CCSER1: variants seen among roughly 807,000 people sequenced by gnomAD.
CCSER1 encodes the protein serine-rich coiled-coil domain-containing protein 1.
CCSER1 carries 41 observed loss-of-function variants against 82.0 expected under a neutral mutation model. The ratio of observed to expected loss-of-function variants is 0.50; its 90% CI spans 0.39 to 0.65. CCSER1 has a LOEUF of 0.65. Among genes scored for constraint, CCSER1 ranks in the 30% least tolerant of loss-of-function variants. The pLI, the probability that CCSER1 is intolerant of heterozygous loss-of-function variation, is 0.00. For missense variants in CCSER1, 1,119 were observed against 1,064.2 expected, an observed-to-expected ratio of 1.05 and a Z score of -0.72; for synonymous variants, 414 against 383.9, an observed-to-expected ratio of 1.08 and a Z score of -0.92.
At chr4:90,973,184 G>C (rs1034795628) in intron 9 of CCSER1, among the ~76,000 whole-genome samples, 1 of 151,626 alleles carries the variant, frequency 6.6e-6, no homozygotes, top group African/African-American at 2.4e-5. Context: ...ACAGCAAAAA[G>C]TTTGTGTACT....
At chr4:90,167,461 TTTTA>T (rs1730692524) in intron 1 of CCSER1, among the ~76,000 whole-genome samples, 1 of 152,016 alleles carries the variant, frequency 6.6e-6, no homozygotes, top group African/African-American at 2.4e-5. Flanking sequence ...TTTGGGACAA[TTTTA>T]TTTGTTTTAT....
chr4:90,784,058 C>T (rs1216611277), intron 7 of CCSER1, among the ~76,000 whole-genome samples: 1 of 152,106 alleles, frequency 6.6e-6, no homozygotes, highest in Non-Finnish European at 1.5e-5. Flanking sequence ...TATTTGTTGT[C>T]ATTACATTTA....
intron 10 of CCSER1, among the ~76,000 whole-genome samples, chr4:91,202,812 C>CTCATATATATGTGTGCATATATA (rs1553911607): frequency 6.6e-6 from 1 of 150,970 alleles, no homozygotes; most frequent in African/African-American, 2.4e-5. Flanking sequence ...GATATACACA[C>CTCATATATATGTGTGCATATATA]TGTCTTTTTA....
chr4:90,206,781 A>ATTGACGGTGGGGTG (rs200749504), intron 1 of CCSER1, among the ~76,000 whole-genome samples: 1 of 123,032 alleles, frequency 8.1e-6, no homozygotes. Flanking sequence ...TCTGTCTAAT[A>ATTGACGGTGGGGTG]TTAAAGTCTC....
intron 10 of CCSER1, among the ~76,000 whole-genome samples, chr4:91,484,842 C>T (rs1448347195): frequency 6.6e-6 from 1 of 152,060 alleles, no homozygotes; most frequent in Admixed American, 6.6e-5. Flanking sequence ...ACAGACTTTC[C>T]CAGTAACTCT....
chr4:90,512,912 C>T (rs921562900), intron 5 of CCSER1, among the ~76,000 whole-genome samples: 23 of 152,126 alleles, frequency 1.5e-4, no homozygotes, highest in South Asian at 4.2e-4. Context: ...GAAATTAAAT[C>T]ATTTATAATT....
rs571145877 is a variant in CCSER1 at position 90,565,059 on chromosome 4, T to C, written c.1725-62966T>C. Among the ~76,000 whole-genome samples, 30 of 151,930 alleles carry C rather than the reference T, an allele frequency of 2.0e-4. No homozygotes were observed. The South Asian group carries it at 4.6e-3, about 23-fold the overall frequency. On this transcript the variant is annotated intron_variant, in intron 5 of 10. Coordinates refer to ENST00000509176, the MANE Select transcript of CCSER1 (RefSeq NM_001145065.2). ...GATTTTTTTTTTTTTTCTGTGAAGATTGTCATTGGTATATTGATAGGTATT... is the reference window on the plus strand; with the variant it reads ...GATTTTTTTTTTTTTTCTGTGAAGACTGTCATTGGTATATTGATAGGTATT...
intron 10 of CCSER1, among the ~76,000 whole-genome samples, chr4:91,267,537 C>T (rs1478545093): frequency 6.6e-6 from 1 of 152,144 alleles, no homozygotes; most frequent in Non-Finnish European, 1.5e-5. Context: ...AATGAATGCA[C>T]AGCCAGAGAA....
At chr4:90,525,568 G>A (rs916155643) in intron 5 of CCSER1, among the ~76,000 whole-genome samples, 2 of 151,754 alleles carry the variant, frequency 1.3e-5, no homozygotes, top group Non-Finnish European at 2.9e-5. Context: ...GATTATTATT[G>A]TACTTTCTTC....
intron 10 of CCSER1, among the ~76,000 whole-genome samples, chr4:91,177,047 G>A (rs7691562): frequency 0.39 from 59,611 of 151,908 alleles, 12,209 homozygotes; most frequent in East Asian, 0.47. Flanking sequence ...GAATTTTGTC[G>A]AAGGCCTTTT....
chr4:90,770,016 G>A (rs1366565336), intron 7 of CCSER1, among the ~76,000 whole-genome samples: 2 of 152,166 alleles, frequency 1.3e-5, no homozygotes, highest in East Asian at 3.8e-4. Context: ...CTGAGACTAG[G>A]TTTTGAAGAG....
intron 10 of CCSER1, among the ~76,000 whole-genome samples, chr4:91,437,813 ACACCAGGAGATTATATCTCG>A (rs1754772331): frequency 6.6e-6 from 1 of 152,208 alleles, no homozygotes; most frequent in Non-Finnish European, 1.5e-5. Flanking sequence ...AAAAAATGGC[ACACCAGGAGATTATATCTCG>A]CACCTGGTTT....
At chr4:91,564,755 A>G (rs1334146220) in intron 10 of CCSER1, among the ~76,000 whole-genome samples, 1 of 151,772 alleles carries the variant, frequency 6.6e-6, no homozygotes, top group Non-Finnish European at 1.5e-5. Flanking sequence ...TAATTTGTTT[A>G]GGTTCCTTAT....
At chr4:90,299,767 C>T (rs149140145) in intron 1 of CCSER1, among the ~76,000 whole-genome samples, 45 of 152,144 alleles carry the variant, frequency 3.0e-4, no homozygotes, top group African/African-American at 9.4e-4. Flanking sequence ...TAGAAAGAGC[C>T]TGGACTGCAA....
intron 8 of CCSER1, among the ~76,000 whole-genome samples, chr4:90,901,579 T>C (rs1724660041): frequency 6.6e-6 from 1 of 152,070 alleles, no homozygotes; most frequent in African/African-American, 2.4e-5. Flanking sequence ...GGCTGGCATG[T>C]TTTTTTCTTT....
Position 90,141,020 on chromosome 4 carries a change from A to ATTATCTATC in CCSER1, c.-42+13190_-42+13191insTATCTATCT, listed in dbSNP as rs146218548. Among the ~76,000 whole-genome samples the ATTATCTATC allele has an allele frequency of 4.2e-4, 61 of 145,984 alleles. 1 individual carries two copies. Among genetic ancestry groups the ATTATCTATC allele is most frequent in the Admixed American group, 1.3e-3 (19 of 14,438 alleles). The stretch of plus-strand genomic sequence containing the variant: ...GTGTTCTCCAGAGAAACCCAGCAAG[A>ATTATCTATC]TATCTATCTATCTATCTATCTATCT... On this transcript the variant is annotated intron_variant, in intron 1 of 10. Transcript: ENST00000509176.
At chr4:91,594,943 T>C (rs2110351362) in intron 10 of CCSER1, among the ~76,000 whole-genome samples, 1 of 152,112 alleles carries the variant, frequency 6.6e-6, no homozygotes, top group Non-Finnish European at 1.5e-5. Context: ...TTTCTCTGCC[T>C]CAAACAAATA....
intron 10 of CCSER1, among the ~76,000 whole-genome samples, chr4:91,131,657 T>C: frequency 6.6e-6 from 1 of 151,766 alleles, no homozygotes; most frequent in East Asian, 1.9e-4. Flanking sequence ...TCTAGATAGG[T>C]AGATAGATAG....
chr4:91,255,103 T>A (rs1412171611), intron 10 of CCSER1, among the ~76,000 whole-genome samples: 1 of 152,178 alleles, frequency 6.6e-6, no homozygotes, highest in African/African-American at 2.4e-5. Flanking sequence ...TTAATGTTGA[T>A]GTTAATAAGC....
Sources: gnomAD v4.1 joint callset for allele counts (sites outside exome capture counted in the v4.1 genomes callset) on GRCh38, gnomAD v4.1.1 for gene constraint, MANE v1.5 for transcripts, NCBI Gene and HGNC (gene_info 2026-07-23, HGNC 2026-07-21) for gene names.